The following PEX3 variants were observed in gnomAD, a reference collection of about 807,000 sequenced individuals.
PEX3 encodes the protein peroxisomal biogenesis factor 3, also known as peroxin-3.
A neutral mutation model predicts 55.8 loss-of-function variants in PEX3; 30 were observed. That is an observed-to-expected ratio of 0.54 (90% CI 0.40 to 0.73). PEX3 has a LOEUF of 0.73. Among genes scored for constraint, PEX3 ranks in the 30% least tolerant of loss-of-function variants. PEX3 has a pLI of 0.00. For missense variants in PEX3, 351 were observed against 432.8 expected, an observed-to-expected ratio of 0.81 and a Z score of 1.68; for synonymous variants, 135 against 148.4, an observed-to-expected ratio of 0.91 and a Z score of 0.66.
intron 1 of PEX3, among the ~76,000 whole-genome samples, chr6:143,452,106 T>G (rs1434567120): frequency 6.6e-6 from 1 of 152,190 alleles, no homozygotes; most frequent in Non-Finnish European, 1.5e-5. Flanking sequence ...ACAGTACGTA[T>G]TAGATTGTAT....
At position 143,475,295 on chromosome 6, in the gene PEX3, A is replaced by G. The variant is rs1166931467; in HGVS notation, c.818+439A>G. 6.6e-6 allele frequency among the ~76,000 whole-genome samples: 1 copy of G among 152,162 alleles called. No homozygotes were observed. Among genetic ancestry groups the G allele is most frequent in the Non-Finnish European group, 1.5e-5 (1 of 68,026 alleles). On this transcript the variant is annotated intron_variant, in intron 9 of 11. Transcript: ENST00000367591. The surrounding 1 kb of genome is among the most constrained non-coding windows in gnomAD (Gnocchi z 4.4). The stretch of plus-strand genomic sequence containing the variant: ...CATGACTTTCATGACAGTATAATCT[A>G]TATTTTTCTCCCACCTCTCAAATCA...
chr6:143,457,437 C>G (rs1779862249), intron 1 of PEX3, among the ~76,000 whole-genome samples: 1 of 152,132 alleles, frequency 6.6e-6, no homozygotes, highest in Non-Finnish European at 1.5e-5. Context: ...TTAGCACATA[C>G]CCTTTTACTG....
intron 4 of PEX3, among the ~76,000 whole-genome samples, chr6:143,470,724 C>A (rs981695972): frequency 1.3e-5 from 2 of 152,172 alleles, no homozygotes; most frequent in African/African-American, 2.4e-5. Flanking sequence ...ATAGTATATA[C>A]CTCTTTCACC....
intron 3 of PEX3, among the ~76,000 whole-genome samples, chr6:143,467,697 T>C (rs921852119): frequency 2.0e-5 from 3 of 152,142 alleles, no homozygotes; most frequent in Admixed American, 1.3e-4. Flanking sequence ...TCGATAGAGA[T>C]AATAACTACA....
chr6:143,478,112 A>G (rs1327674925), intron 9 of PEX3, among the ~76,000 whole-genome samples: 2 of 152,196 alleles, frequency 1.3e-5, no homozygotes, highest in Non-Finnish European at 2.9e-5. Flanking sequence ...AACCACTGAT[A>G]CATGCTACAG....
chr6:143,460,785 A>G (rs1286249960), intron 2 of PEX3, among the ~76,000 whole-genome samples: 1 of 150,068 alleles, frequency 6.7e-6, no homozygotes, highest in Non-Finnish European at 1.5e-5. Flanking sequence ...AATCACTTGA[A>G]CCTGTTAGGT....
chr6:143,472,143 CT>C lies in PEX3; in HGVS notation c.579-13del. ...TATAGTTTCTATTTATCCCAATTCC[CT>C]TTTCTCTGTTTCTAGTGTTTCTCTT... is the stretch of plus-strand genomic sequence containing the variant. On this transcript the variant is annotated splice_polypyrimidine_tract_variant and intron_variant, in intron 7 of 11. Coordinates refer to ENST00000367591, the MANE Select transcript of PEX3 (RefSeq NM_003630.3). 1 of 1,566,492 alleles carries C rather than the reference CT, an allele frequency of 6.4e-7. No homozygotes were observed. Among genetic ancestry groups the C allele is most frequent in the Non-Finnish European group, 8.8e-7 (1 of 1,137,560 alleles).
In PEX3 at chr6:143,485,971, C is replaced by A. The variant is rs1430743071; in HGVS notation, c.1038+723C>A. Among the ~76,000 whole-genome samples, 10 of 152,256 alleles carry A rather than the reference C, an allele frequency of 6.6e-5. No homozygotes were observed. The highest frequency in any genetic ancestry group is 2.4e-4 in the African/African-American group (10 of 41,568). ...ATGAGAAGAGACCCTATGGCCTAAG[C>A]ATAAAGCTGACATCTTCTTAGTGTA... On this transcript the variant is annotated intron_variant, in intron 11 of 11. Transcript: ENST00000367591. This position sits in a 1 kb window ranked among gnomAD's most constrained non-coding sequence, Gnocchi z 5.6.
chr6:143,474,830 C>T lies in PEX3; in HGVS notation c.792C>T (p.Leu264=). Residue 264 remains leucine (L), a synonymous_variant, in exon 9 of 12, where the codon CTC becomes CTT. Transcript: ENST00000367591. The part of the protein sequence containing the change: ...SPRDITTIKL[L]NETRDMLESP... Reference sequence around the variant, plus strand: ...GAGACATTACCACTATTAAACTTCTCAATGAAACTAGAGACATGTTGGAAA... The same window carrying T: ...GAGACATTACCACTATTAAACTTCTTAATGAAACTAGAGACATGTTGGAAA... The T allele has an allele frequency of 1.3e-6, 2 of 1,588,752 alleles. No individual in the cohort carries two copies. The highest frequency in any genetic ancestry group is 1.1e-5 in the South Asian group (1 of 90,562).
chr6:143,459,584 G>A lies in PEX3; in HGVS notation c.205+368G>A, dbSNP rs1339950189. 6.6e-6 allele frequency among the ~76,000 whole-genome samples: 1 copy of A among 152,162 alleles called. No homozygotes were observed. The highest frequency in any genetic ancestry group is 1.5e-5 in the Non-Finnish European group (1 of 68,026). ...CATAAAGCCATGTGAGGGCTGGAAC[G>A]TTCTTTAAGACAGGGGATCAGTAGA... On this transcript the variant is annotated intron_variant, in intron 2 of 11. Coordinates refer to ENST00000367591, the MANE Select transcript of PEX3 (RefSeq NM_003630.3). This position sits in a 1 kb window ranked among gnomAD's most constrained non-coding sequence, Gnocchi z 4.2.
In PEX3 at chr6:143,488,310, C is replaced by T. The variant is rs1470982049; in HGVS notation, c.1039-833C>T. ...TCACAGACTGGTGAAGCCTATGGAC[C>T]CCTTCTCAGAACAATATTTATAAGT... On this transcript the variant is annotated intron_variant, in intron 11 of 11. Transcript: ENST00000367591. The surrounding 1 kb of genome is among the most constrained non-coding windows in gnomAD (Gnocchi z 4.9). Among the ~76,000 whole-genome samples the T allele has an allele frequency of 6.6e-6, 1 of 151,976 alleles. No homozygotes were observed.
In PEX3 at chr6:143,482,367, A is replaced by G. The variant is rs572906492; in HGVS notation, c.942-2785A>G. Among the ~76,000 whole-genome samples the G allele has an allele frequency of 2.0e-5, 3 of 152,254 alleles. No homozygotes were observed. The South Asian group carries it at 6.2e-4, about 32-fold the overall frequency. ...AAAGGGAGAAGAAAAAGCTATTGTT[A>G]TATGAAGGGGACAGACTTTATACTT... On this transcript the variant is annotated intron_variant, in intron 10 of 11. Transcript: ENST00000367591. The surrounding 1 kb of genome is among the most constrained non-coding windows in gnomAD (Gnocchi z 5.5).
At chr6:143,457,298 G>A (rs886626257) in intron 1 of PEX3, among the ~76,000 whole-genome samples, 7 of 152,092 alleles carry the variant, frequency 4.6e-5, no homozygotes, top group Non-Finnish European at 4.4e-5. Context: ...AGTTTCTTTA[G>A]AATGGAGTAC....
rs142270320 is a variant in PEX3 at position 143,457,876 on chromosome 6, A to G, written c.74-1209A>G. 1.2e-3 allele frequency among the ~76,000 whole-genome samples: 181 copies of G among 152,338 alleles called. 1 individual carries two copies. The highest frequency in any genetic ancestry group is 3.8e-3 in the African/African-American group (160 of 41,578). On this transcript the variant is annotated intron_variant, in intron 1 of 11. Coordinates refer to ENST00000367591, the MANE Select transcript of PEX3 (RefSeq NM_003630.3). ...AATGCAACAATATTCTAGCTGTAGG[A>G]TTTGGTTGGCTACCTGGTTAACTCA...
Position 143,465,273 on chromosome 6 carries a change from T to C in PEX3, c.287+2276T>C, listed in dbSNP as rs1255696474. Among the ~76,000 whole-genome samples the C allele has an allele frequency of 4.6e-5, 7 of 151,968 alleles. No homozygotes were observed. ...TAGATTTGGAATCTTTTATGTAGAT[T>C]TTGGAGTTTTTTAAAAAAAAATAGC... On this transcript the variant is annotated intron_variant, in intron 3 of 11. Transcript: ENST00000367591. The surrounding 1 kb of genome is among the most constrained non-coding windows in gnomAD (Gnocchi z 4.7).
rs750173036 is a variant in PEX3 at position 143,489,137 on chromosome 6, T to G, written c.1039-6T>G. ...AACTATAATGTTATATTATCATCTT[T>G]GCTAGGATCTGTTGACAATGGAGCA... On this transcript the variant is annotated splice_polypyrimidine_tract_variant and splice_region_variant and intron_variant, in intron 11 of 11. Transcript: ENST00000367591. The surrounding 1 kb of genome is among the most constrained non-coding windows in gnomAD (Gnocchi z 5.5). 2.5e-6 allele frequency: 4 copies of G among 1,583,924 alleles called. No individual in the cohort carries two copies.
rs1780129812 is a variant in PEX3, at chr6:143,474,850, T to G, written c.812T>G (p.Leu271Trp). 1 of 1,543,384 alleles carries G rather than the reference T, an allele frequency of 6.5e-7. No homozygotes were observed. Among genetic ancestry groups the G allele is most frequent in the Non-Finnish European group, 9.0e-7 (1 of 1,115,940 alleles). ...IKLLNETRDM[L>W]ESPDFSTVLN... ...CTTCTCAATGAAACTAGAGACATGTTGGAAAGGTATGTATACTTCATGTAG... is the reference window on the plus strand; with the variant it reads ...CTTCTCAATGAAACTAGAGACATGTGGGAAAGGTATGTATACTTCATGTAG... The change falls in exon 9 of 12, where the codon TTG becomes TGG. Residue 271 changes from leucine (L) to tryptophan (W), a missense_variant. Leu to Trp is a moderately conservative substitution (Grantham distance 61, BLOSUM62 -2). Coordinates refer to ENST00000367591, the MANE Select transcript of PEX3 (RefSeq NM_003630.3).
intron 10 of PEX3, chr6:143,484,927 G>A: frequency 2.0e-6 from 1 of 504,294 alleles, no homozygotes; most frequent in South Asian, 2.1e-5. Context: ...GAGGTTTTTG[G>A]TAGACACAAA....
chr6:143,489,177 C>T lies in PEX3; in HGVS notation c.1073C>T (p.Ala358Val), dbSNP rs1316783547. The change falls in exon 12 of 12, where the codon GCT becomes GTT. Residue 358 changes from alanine to valine, a missense_variant. Ala to Val is a moderately conservative substitution (Grantham distance 64, BLOSUM62 0). Transcript: ENST00000367591. This position sits in a 1 kb window ranked among gnomAD's most constrained non-coding sequence, Gnocchi z 5.5. ...ACAATGGAGCAAGTGAAAGACTTTG[C>T]TGCTAATGTGTATGAAGCTTTTAGT... Reference protein sequence around the residue: ...LLTMEQVKDFAANVYEAFSTP... With the variant: ...LLTMEQVKDFVANVYEAFSTP... 3 of 1,609,944 alleles carry T rather than the reference C, an allele frequency of 1.9e-6. No homozygotes were observed. Among genetic ancestry groups the T allele is most frequent in the Non-Finnish European group, 1.7e-6 (2 of 1,176,600 alleles).
Sources: allele counts gnomAD v4.1 joint callset (sites outside exome capture counted in the v4.1 genomes callset), GRCh38; gene constraint gnomAD v4.1.1; non-coding constraint Gnocchi (gnomAD v3.1); transcripts MANE v1.5; gene names NCBI Gene and HGNC (gene_info 2026-07-23, HGNC 2026-07-21).